Variants in SEMA3A observed in about 807,000 individuals in gnomAD.
SEMA3A encodes semaphorin-3A.
A neutral mutation model predicts 97.9 loss-of-function variants in SEMA3A; 29 were observed. That is an observed-to-expected ratio of 0.30 (90% confidence interval 0.22 to 0.40). The LOEUF is 0.40. Among genes scored for constraint, SEMA3A ranks in the 10% least tolerant of loss-of-function variants. The pLI is 1.00. For missense variants in SEMA3A, 763 were observed against 951.3 expected (o/e 0.80, Z 2.60); for synonymous variants, 321 against 323.7 (o/e 0.99, Z 0.09).
chr7:84,248,645 C>T (rs1255965086), intron 3 of SEMA3A, among the ~76,000 whole-genome samples: 2 of 152,036 alleles, frequency 1.3e-5, no homozygotes, highest in Admixed American at 1.3e-4. Flanking sequence ...TTTCAATAAA[C>T]AGCACGTCAG....
intron 2 of SEMA3A, among the ~76,000 whole-genome samples, chr7:84,350,568 T>G (rs1466553885): frequency 1.3e-5 from 2 of 152,178 alleles, no homozygotes; most frequent in Non-Finnish European, 2.9e-5. Flanking sequence ...ATTCCATATT[T>G]TCTTGTATGT....
chr7:84,280,123 C>T (rs1800403316), intron 3 of SEMA3A, among the ~76,000 whole-genome samples: 1 of 152,126 alleles, frequency 6.6e-6, no homozygotes, highest in South Asian at 2.1e-4. Context: ...GTCTCAAACT[C>T]CTGGGCTCAA....
chr7:84,186,942 T>C (rs1797904966), intron 1 of SEMA3A, among the ~76,000 whole-genome samples: 2 of 152,138 alleles, frequency 1.3e-5, no homozygotes, highest in Admixed American at 1.3e-4. Flanking sequence ...AATATTCCCA[T>C]GGTATTTCCT....
chr7:84,157,244 T>C lies in SEMA3A; in HGVS notation c.113-22293A>G, dbSNP rs2116149256. Among the ~76,000 whole-genome samples the C allele has an allele frequency of 2.0e-5, 3 of 152,298 alleles. No homozygotes were observed. The Middle Eastern group carries it at 0.01, about 522-fold the overall frequency. On this transcript the variant is annotated intron_variant, in intron 1 of 16. Coordinates refer to ENST00000265362, the MANE Select transcript of SEMA3A (RefSeq NM_006080.3). ...TTCCAAACTTCTCATAACAATACAA[T>C]GTGTGTGTTTACATGCAACAATGCA... is the stretch of plus-strand genomic sequence containing the variant.
rs546060313 is a variant in SEMA3A, at chr7:84,285,409, C to A, written c.-83+21798G>T. Among the ~76,000 whole-genome samples the A allele has an allele frequency of 2.0e-5, 3 of 151,854 alleles. No homozygotes were observed. In the East Asian group the frequency reaches 5.8e-4, roughly 29 times the overall value. ...GCACATATACATGCAAGCATCCATG[C>A]GAAATTTAATTTTTAAAACATGCAG... On this transcript the variant is annotated intron_variant, in intron 3 of 3. Transcript: ENST00000424555.
At chr7:83,991,531 G>A (rs545094430) in intron 12 of SEMA3A, among the ~76,000 whole-genome samples, 1 of 151,758 alleles carries the variant, frequency 6.6e-6, no homozygotes, top group Admixed American at 6.6e-5. Context: ...TAGCATGAAG[G>A]GTTGTTGAAT....
intron 1 of SEMA3A, among the ~76,000 whole-genome samples, chr7:84,443,793 A>C (rs1411415834): frequency 6.6e-6 from 1 of 151,868 alleles, no homozygotes; most frequent in African/African-American, 2.4e-5. Context: ...ATTGCAAAAA[A>C]TTCTTACCAT....
At chr7:84,276,689 G>A (rs1800304042) in intron 3 of SEMA3A, among the ~76,000 whole-genome samples, 2 of 152,074 alleles carry the variant, frequency 1.3e-5, no homozygotes, top group South Asian at 4.2e-4. Context: ...ATACTATCAA[G>A]CTCAGCTGGT....
intron 3 of SEMA3A, among the ~76,000 whole-genome samples, chr7:84,298,955 C>T (rs1008149349): frequency 3.9e-5 from 6 of 152,058 alleles, no homozygotes; most frequent in African/African-American, 1.4e-4. Context: ...TTCTAATGGG[C>T]TAGATGCTTC....
intron 1 of SEMA3A, among the ~76,000 whole-genome samples, chr7:84,416,376 C>A (rs948180698): frequency 6.6e-6 from 1 of 152,112 alleles, no homozygotes; most frequent in African/African-American, 2.4e-5. Flanking sequence ...CCATGTGGAA[C>A]TGTAAGTCCA....
intron 1 of SEMA3A, among the ~76,000 whole-genome samples, chr7:84,375,352 C>T (rs115961548): frequency 2.6e-4 from 40 of 152,088 alleles, no homozygotes; most frequent in African/African-American, 8.7e-4. Context: ...GCATTGAGTG[C>T]GCAAAGTACC....
At chr7:84,416,623 C>T (rs1377921428) in intron 1 of SEMA3A, among the ~76,000 whole-genome samples, 3 of 152,136 alleles carry the variant, frequency 2.0e-5, no homozygotes, top group Middle Eastern at 3.4e-3. Flanking sequence ...AGCTTAAAAA[C>T]GCAAAGGTTT....
In SEMA3A at chr7:84,016,537, C is replaced by CAA. The variant is rs60668785; in HGVS notation, c.668-2188_668-2187dup. Among the ~76,000 whole-genome samples, 39 of 102,420 alleles carry CAA rather than the reference C, an allele frequency of 3.8e-4. No homozygotes were observed. The South Asian group carries it at 4.9e-3, about 13-fold the overall frequency. 67.2% of individuals were successfully genotyped at this position (102,420 alleles called of 152,430 possible). On this transcript the variant is annotated intron_variant, in intron 6 of 16. Transcript: ENST00000265362. ...TGGGCGACAGAGCGAGACTCTGTCT[C>CAA]AAAAAAAAAAAAAAGAAAAAAAAAG...
intron 1 of SEMA3A, among the ~76,000 whole-genome samples, chr7:84,161,498 C>T (rs1292543232): frequency 6.6e-6 from 1 of 152,166 alleles, no homozygotes; most frequent in Non-Finnish European, 1.5e-5. Context: ...GGCTCTTCTA[C>T]ATTAGAAAAA....
At chr7:84,080,981 ATAAT>A (rs1794131490) in intron 4 of SEMA3A, among the ~76,000 whole-genome samples, 4 of 151,940 alleles carry the variant, frequency 2.6e-5, no homozygotes, top group South Asian at 4.2e-4. Flanking sequence ...AATAGTAAAA[ATAAT>A]TAATTACTAT....
chr7:84,388,216 G>A (rs34066589), intron 1 of SEMA3A, among the ~76,000 whole-genome samples: 17,026 of 151,940 alleles, frequency 0.11, 1,198 homozygotes, highest in East Asian at 0.28. Flanking sequence ...TAAGAAACAT[G>A]AGCTTAAGCT....
chr7:84,347,937 T>C (rs1365684732), intron 2 of SEMA3A, among the ~76,000 whole-genome samples: 1 of 152,138 alleles, frequency 6.6e-6, no homozygotes, highest in Non-Finnish European at 1.5e-5. Context: ...TAGATGATCA[T>C]CTAAACCCAT....
In SEMA3A at chr7:84,091,794, G is replaced by A. The variant is rs1269954669; in HGVS notation, c.453+18676C>T. 3.3e-5 allele frequency among the ~76,000 whole-genome samples: 5 copies of A among 152,288 alleles called. No homozygotes were observed. The East Asian group carries it at 5.8e-4, about 18-fold the overall frequency. ...ATGTATTAATAACCGTGAGTGAAGA[G>A]TTTAAATAGAGCCAGTTTGATGATA... On this transcript the variant is annotated intron_variant, in intron 4 of 16. Coordinates refer to ENST00000265362, the MANE Select transcript of SEMA3A (RefSeq NM_006080.3).
At chr7:84,452,266 T>C (rs1805574803) in intron 1 of SEMA3A, among the ~76,000 whole-genome samples, 1 of 151,880 alleles carries the variant, frequency 6.6e-6, no homozygotes, top group Admixed American at 6.5e-5. Flanking sequence ...TTTTTAAAAA[T>C]AGCCAGTACT....
Sources: allele counts gnomAD v4.1 joint callset (sites outside exome capture counted in the v4.1 genomes callset), GRCh38; gene constraint gnomAD v4.1.1; transcripts MANE v1.5; gene names NCBI Gene and HGNC (gene_info 2026-07-23, HGNC 2026-07-21).